ZDHHC19: variants seen among roughly 807,000 people sequenced by gnomAD.
The protein encoded by ZDHHC19 is palmitoyltransferase ZDHHC19.
A neutral mutation model predicts 33.9 loss-of-function variants in ZDHHC19; 30 were observed. The observed-to-expected ratio is 0.88, with a 90% CI of 0.66 to 1.20. The LOEUF is 1.20. Ranked by LOEUF, ZDHHC19 falls within the 50% of genes most tolerant of loss-of-function variation. The probability of loss-of-function intolerance (pLI) is 0.00; values close to 1 mark genes in which losing one functional copy is unlikely to be tolerated. For missense variants in ZDHHC19, 364 were observed against 401.1 expected, an observed-to-expected ratio of 0.91 and a Z score of 0.79; for synonymous variants, 178 against 167.6, an observed-to-expected ratio of 1.06 and a Z score of -0.48.
chr3:196,210,148 G>A (rs1668727513), intron 2 of ZDHHC19, among the ~76,000 whole-genome samples: 1 of 151,340 alleles, frequency 6.6e-6, no homozygotes, highest in South Asian at 2.1e-4. Context: ...CGGAGATTGC[G>A]CCACTGCACT....
At chr3:196,207,548 C>T (rs1722845157) in intron 4 of ZDHHC19, 45 bp from the exon 5 acceptor site, 1 of 1,466,238 alleles carries the variant, frequency 6.8e-7, no homozygotes, top group Non-Finnish European at 9.1e-7. Flanking sequence ...CACGCCTGGC[C>T]CCGCCCCCCA....
intron 5 of ZDHHC19, among the ~76,000 whole-genome samples, chr3:196,205,659 GT>G (rs1266619388): frequency 2.6e-5 from 4 of 152,196 alleles, no homozygotes; most frequent in African/African-American, 9.6e-5. Context: ...ACGACTTTTT[GT>G]TTTGGTTTTT....
chr3:196,200,328 A>ATATATATATACATATATATATATG, intron 5 of ZDHHC19, among the ~76,000 whole-genome samples: 1 of 23,376 alleles, frequency 4.3e-5, no homozygotes, highest in East Asian at 0.015. Context: ...AAATTTAGGG[A>ATATATATATACATATATATATATG]TATATATATA....
rs374176080 is a variant in ZDHHC19, at chr3:196,211,290, G to A, written c.26C>T (p.Pro9Leu). ...CAGGGGATGGGGCTCCTTCACCAGC[G>A]GCGTGGCATCCGTTAAGAGTGTCAT... Reference protein sequence around the residue: MTLLTDATPLVKEPHPLPL... With the variant: MTLLTDATLLVKEPHPLPL... Residue 9 changes from proline (P) to leucine (L), a missense_variant, in exon 1 of 8, where the codon CCG becomes CTG. Pro to Leu is a moderately conservative substitution (Grantham distance 98). Transcript: ENST00000296326. The A allele has an allele frequency of 2.4e-5, 38 of 1,613,722 alleles. 1 individual carries two copies. The highest frequency in any genetic ancestry group is 2.2e-4 in the South Asian group (20 of 91,060).
Position 196,206,357 on chromosome 3 carries a change from A to AT in ZDHHC19, c.687+1040dup, listed in dbSNP as rs201464181. 5.1e-3 allele frequency among the ~76,000 whole-genome samples: 755 copies of AT among 149,058 alleles called. 1 individual carries two copies. The highest frequency in any genetic ancestry group is 8.8e-3 in the Non-Finnish European group (589 of 67,082). ...GTGAGCCACTGCACCCAGCCTGGGC[A>AT]TTTTTTTTTAAGACAGGGTCTTGCT... On this transcript the variant is annotated intron_variant, in intron 5 of 7. Coordinates refer to ENST00000296326, the MANE Select transcript of ZDHHC19 (RefSeq NM_001039617.2).
chr3:196,200,371 T>TC (rs1248604543), intron 5 of ZDHHC19, among the ~76,000 whole-genome samples: 2,259 of 145,910 alleles, frequency 0.015, 87 homozygotes, highest in African/African-American at 0.054. Context: ...TTTTTTTTTT[T>TC]TGAGATGGAG....
intron 5 of ZDHHC19, among the ~76,000 whole-genome samples, chr3:196,200,433 C>G (rs149751103): frequency 6.9e-6 from 1 of 145,654 alleles, no homozygotes; most frequent in African/African-American, 2.6e-5. Flanking sequence ...CAGCTCACTG[C>G]AAGCTCCGCC....
Position 196,210,359 on chromosome 3 carries a change from AGAAGGAAGGAAG to A in ZDHHC19, c.268+245_268+256del, listed in dbSNP as rs939808880. On this transcript the variant is annotated intron_variant, in intron 2 of 7. Coordinates refer to ENST00000296326, the MANE Select transcript of ZDHHC19 (RefSeq NM_001039617.2). Reference sequence around the variant, plus strand: ...AAAGAAAGAAAAGAGAAAGAAAGAAAGAAGGAAGGAAGGAAAGAGAGAGGAAGGAAGGAAAGA... The same window carrying A: ...AAAGAAAGAAAAGAGAAAGAAAGAAAGAAAGAGAGAGGAAGGAAGGAAAGA... Among the ~76,000 whole-genome samples, 7 of 133,978 alleles carry A rather than the reference AGAAGGAAGGAAG, an allele frequency of 5.2e-5. 1 individual carries two copies. Among genetic ancestry groups the A allele is most frequent in the Non-Finnish European group, 1.6e-5 (1 of 60,774 alleles). The allele number at this position is 133,978 out of a possible 152,430, so 87.9% of individuals were successfully genotyped here. A position where few individuals can be genotyped will look rare whatever the true frequency, so the allele number is the denominator to read the frequency against.
At chr3:196,210,583 A>G in intron 2 of ZDHHC19, 33 bp downstream of exon 2, 1 of 1,613,672 alleles carries the variant, frequency 6.2e-7, no homozygotes, top group South Asian at 1.1e-5. Flanking sequence ...CCCTTGAGTG[A>G]CACCTCCTTT....
intron 1 of ZDHHC19, 109 bp downstream of exon 1, chr3:196,211,061 C>T: frequency 2.6e-6 from 4 of 1,552,240 alleles, no homozygotes; most frequent in Non-Finnish European, 3.5e-6. Context: ...ATCCCCTTTT[C>T]CCTGACCTCT....
At chr3:196,198,703 C>T (rs1279667896) in intron 6 of ZDHHC19, 86 bp downstream of exon 6, 2 of 1,606,176 alleles carry the variant, frequency 1.2e-6, no homozygotes, top group African/African-American at 1.3e-5. Flanking sequence ...GTGTAAGGGC[C>T]TGGGGCTGTG....
intron 5 of ZDHHC19, among the ~76,000 whole-genome samples, chr3:196,201,038 A>T (rs1722297390): frequency 6.6e-6 from 1 of 151,698 alleles, no homozygotes; most frequent in Non-Finnish European, 1.5e-5. Context: ...GCTTAAAGGA[A>T]TGATGATCTT....
chr3:196,198,237 C>G, intron 7 of ZDHHC19, 39 bp downstream of exon 7: 1 of 1,443,442 alleles, frequency 6.9e-7, no homozygotes, highest in Non-Finnish European at 9.1e-7. Context: ...ACCCCCCTCC[C>G]GACACGCACA....
rs1031358333 is a variant in ZDHHC19 at position 196,198,215 on chromosome 3, C to T, written c.*19+61G>A. The T allele has an allele frequency of 1.3e-5, 18 of 1,397,070 alleles. No homozygotes were observed. In the African/African-American group the frequency reaches 2.5e-4, roughly 19 times the overall value. The allele number at this position is 1,397,070 out of a possible 1,614,324, so 86.5% of individuals were successfully genotyped here. A position where few individuals can be genotyped will look rare whatever the true frequency, so the allele number is the denominator to read the frequency against. ...TCAGGGGCCTCCCCCCACACCCTCACAACCTGCAGACACCCCCCTCCCGAC... is the reference window on the plus strand; with the variant it reads ...TCAGGGGCCTCCCCCCACACCCTCATAACCTGCAGACACCCCCCTCCCGAC... On this transcript the variant is annotated intron_variant, in intron 7 of 7. Transcript: ENST00000296326.
intron 5 of ZDHHC19, among the ~76,000 whole-genome samples, chr3:196,200,789 C>T (rs1257276429): frequency 1.3e-5 from 2 of 150,628 alleles, no homozygotes; most frequent in East Asian, 3.9e-4. Context: ...GCTGAGACTA[C>T]AGGCATGCAC....
Position 196,211,330 on chromosome 3 carries a change from C to A in ZDHHC19, c.-15G>T, listed in dbSNP as rs201661755. ...AAGAGTGTCATGGCTGGGCCTCCTT[C>A]GCCTCCAGGGGAGGTCAGAGCCACC... On this transcript the variant is annotated 5_prime_UTR_variant, in exon 1 of 8. Transcript: ENST00000296326. 6 of 1,597,646 alleles carry A rather than the reference C, an allele frequency of 3.8e-6. No individual in the cohort carries two copies. In the African/African-American group the frequency reaches 8.0e-5, roughly 21 times the overall value.
intron 3 of ZDHHC19, 81 bp from the exon 4 acceptor site, chr3:196,208,641 C>G (rs1722978792): frequency 1.3e-6 from 2 of 1,512,276 alleles, no homozygotes; most frequent in Admixed American, 2.0e-5. Flanking sequence ...GAGGCCCTCC[C>G]CCTGCCTTCT....
chr3:196,199,889 G>A (rs1164534130), intron 5 of ZDHHC19, among the ~76,000 whole-genome samples: 1 of 152,052 alleles, frequency 6.6e-6, no homozygotes, highest in Non-Finnish European at 1.5e-5. Context: ...AGGTTGCAGT[G>A]AGCCGAGATC....
Position 196,198,306 on chromosome 3 carries a change from C to CG in ZDHHC19, c.918dup (p.Gly307ArgfsTer55), listed in dbSNP as rs772408729. 20 of 1,504,050 alleles carry CG rather than the reference C, an allele frequency of 1.3e-5. No individual in the cohort carries two copies. Among genetic ancestry groups the CG allele is most frequent in the Non-Finnish European group, 1.7e-5 (19 of 1,127,110 alleles). 93.2% of individuals were successfully genotyped at this position (1,504,050 alleles called of 1,614,324 possible). On this transcript the variant is annotated frameshift_variant, in exon 7 of 8. Coordinates refer to ENST00000296326, the MANE Select transcript of ZDHHC19 (RefSeq NM_001039617.2). LOFTEE classifies it high-confidence loss of function. ...GGAGAGCTGCAGCCTCACCACGCCCCGGGGGTCCCTTCCCTGCTTTGTAGG... is the reference window on the plus strand; with the variant it reads ...GGAGAGCTGCAGCCTCACCACGCCCCGGGGGGTCCCTTCCCTGCTTTGTAGG...
Sources: gnomAD v4.1 joint callset for allele counts (sites outside exome capture counted in the v4.1 genomes callset) on GRCh38, gnomAD v4.1.1 for gene constraint, MANE v1.5 for transcripts, NCBI Gene and HGNC (gene_info 2026-07-23, HGNC 2026-07-21) for gene names.